C12orf42: variants seen among roughly 807,000 people sequenced by gnomAD.
C12orf42 encodes chromosome 12 open reading frame 42, also known as uncharacterized protein C12orf42.
In C12orf42, 25 loss-of-function variants were observed where a neutral mutation model predicts 21.6. That is an observed-to-expected ratio of 1.16 (90% CI 0.84 to 1.62). The LOEUF (loss-of-function observed/expected upper bound fraction) is 1.62, where lower values mean the gene tolerates loss of function less well. Ranked by LOEUF, C12orf42 falls within the 40% of genes most tolerant of loss-of-function variation. C12orf42 has a pLI of 0.00. For missense variants in C12orf42, 483 were observed against 459.3 expected (o/e 1.05, Z -0.47); for synonymous variants, 174 against 175.0 (o/e 0.99, Z 0.05).
At chr12:103,494,770 G>A (rs886778250) in intron 1 of C12orf42, among the ~76,000 whole-genome samples, 4 of 152,156 alleles carry the variant, frequency 2.6e-5, no homozygotes, top group Non-Finnish European at 5.9e-5. Flanking sequence ...CAGTTTTCAT[G>A]CCCTTAGTAT....
intron 3 of C12orf42, among the ~76,000 whole-genome samples, chr12:103,380,969 G>A (rs991743020): frequency 1.3e-5 from 2 of 152,114 alleles, no homozygotes; most frequent in African/African-American, 4.8e-5. Context: ...CTTGTAATCT[G>A]AATTGGTTCT....
chr12:103,353,283 C>T (rs1479375067), intron 4 of C12orf42, among the ~76,000 whole-genome samples: 3 of 135,730 alleles, frequency 2.2e-5, no homozygotes. Flanking sequence ...TGGAGTTCCA[C>T]TGGATTAAAA....
Position 103,368,933 on chromosome 12 carries a change from G to T in C12orf42, c.213C>A (p.Phe71Leu). 6.3e-7 allele frequency: 1 copy of T among 1,598,768 alleles called. No individual in the cohort carries two copies. Among genetic ancestry groups the T allele is most frequent in the Non-Finnish European group, 8.5e-7 (1 of 1,170,890 alleles). The change falls in exon 4 of 6, where the codon TTC becomes TTA. Residue 71 changes from phenylalanine to leucine, a missense_variant. By Grantham distance (22) the Phe-to-Leu change is conservative (BLOSUM62 0). Coordinates refer to ENST00000548883, the MANE Select transcript of C12orf42 (RefSeq NM_198521.5). Reference sequence around the variant, plus strand: ...GACTACGAAATTTAGGAGATTCAGAGAAATTCTTCATGTGATTAATGAATC... The same window carrying T: ...GACTACGAAATTTAGGAGATTCAGATAAATTCTTCATGTGATTAATGAATC... ...CSRFINHMKN[F>L]SESPKFRSLH...
At chr12:103,314,142 T>C (rs1459731432) in intron 4 of C12orf42, among the ~76,000 whole-genome samples, 1 of 151,622 alleles carries the variant, frequency 6.6e-6, no homozygotes, top group Non-Finnish European at 1.5e-5. Context: ...GACAGATGTG[T>C]TTTCAGAACT....
chr12:103,381,859 G>A (rs930371432), intron 3 of C12orf42, among the ~76,000 whole-genome samples: 5 of 152,038 alleles, frequency 3.3e-5, no homozygotes, highest in Non-Finnish European at 7.3e-5. Flanking sequence ...GGATCTTGCA[G>A]TGAGCCAAGA....
intron 2 of C12orf42, among the ~76,000 whole-genome samples, chr12:103,472,300 C>T (rs1031278814): frequency 2.6e-5 from 4 of 151,888 alleles, no homozygotes; most frequent in East Asian, 1.9e-4. Flanking sequence ...GTGATCCGCC[C>T]GCCTCGGCCT....
chr12:103,094,157 C>T, the C12orf42 span, among the ~76,000 whole-genome samples: 1 of 152,296 alleles, frequency 6.6e-6, no homozygotes, highest in South Asian at 2.1e-4. Context: ...GTTTTTATGA[C>T]CATCTTACTT....
At chr12:103,100,559 C>T in the C12orf42 span, among the ~76,000 whole-genome samples, 1 of 152,352 alleles carries the variant, frequency 6.6e-6, no homozygotes, top group Admixed American at 6.5e-5. Flanking sequence ...GGCCCAGAAC[C>T]ACCCGGACAA....
At chr12:103,157,503 T>C in the C12orf42 span, among the ~76,000 whole-genome samples, 2 of 152,364 alleles carry the variant, frequency 1.3e-5, no homozygotes, top group African/African-American at 4.8e-5. Flanking sequence ...TTGGCTTTCG[T>C]TGCAATTGCC....
intron 3 of C12orf42, among the ~76,000 whole-genome samples, chr12:103,400,570 T>A (rs1331990489): frequency 1.3e-5 from 2 of 152,252 alleles, no homozygotes; most frequent in African/African-American, 4.8e-5. Context: ...GCTATATTCC[T>A]CTGCTTTAGT....
intron 1 of C12orf42, among the ~76,000 whole-genome samples, chr12:103,478,672 G>A (rs574647633): frequency 4.7e-4 from 70 of 147,682 alleles, no homozygotes; most frequent in Non-Finnish European, 8.0e-4. Flanking sequence ...AGCAATACTC[G>A]CACCTTGGCC....
intron 4 of C12orf42, among the ~76,000 whole-genome samples, chr12:103,318,844 TG>T (rs72265779): frequency 0.36 from 54,057 of 152,006 alleles, 10,711 homozygotes; most frequent in African/African-American, 0.52. Flanking sequence ...ACAATTCAAC[TG>T]GCCATGCCCC....
At chr12:103,384,095 C>G (rs1370030958) in intron 3 of C12orf42, among the ~76,000 whole-genome samples, 1 of 152,136 alleles carries the variant, frequency 6.6e-6, no homozygotes, top group Non-Finnish European at 1.5e-5. Flanking sequence ...TGTTATTTGT[C>G]TTGATCTTCC....
chr12:103,166,034 C>T, the C12orf42 span, among the ~76,000 whole-genome samples: 8 of 137,158 alleles, frequency 5.8e-5, no homozygotes, highest in African/African-American at 7.7e-5. Context: ...AGCGAGACTC[C>T]GTCTCAAAAA....
intron 10 of C12orf42, among the ~76,000 whole-genome samples, chr12:103,259,726 C>A (rs2034797318): frequency 6.6e-6 from 1 of 152,152 alleles, no homozygotes; most frequent in East Asian, 1.9e-4. Flanking sequence ...CATTGTGAAG[C>A]ACTTTAAAAA....
At chr12:103,223,143 A>G in the C12orf42 span, among the ~76,000 whole-genome samples, 1 of 152,120 alleles carries the variant, frequency 6.6e-6, no homozygotes, top group African/African-American at 2.4e-5. Flanking sequence ...TCTTATATTA[A>G]TAAGAAAAAT....
At chr12:103,335,571 GAAGCT>G (rs1831585015) in intron 4 of C12orf42, among the ~76,000 whole-genome samples, 1 of 152,200 alleles carries the variant, frequency 6.6e-6, no homozygotes, top group South Asian at 2.1e-4. Flanking sequence ...ACTTAAGCTT[GAAGCT>G]AACTGCTTTT....
chr12:103,145,087 G>A, the C12orf42 span, among the ~76,000 whole-genome samples: 1 of 152,124 alleles, frequency 6.6e-6, no homozygotes. Flanking sequence ...ATCTAGAAAA[G>A]CAATCAGGAT....
the C12orf42 span, among the ~76,000 whole-genome samples, chr12:103,217,718 C>G: frequency 6.6e-6 from 1 of 152,092 alleles, no homozygotes; most frequent in Non-Finnish European, 1.5e-5. Context: ...GCTTAGTGTG[C>G]AGTGAAATGT....
Sources: allele counts gnomAD v4.1 joint callset (sites outside exome capture counted in the v4.1 genomes callset), GRCh38; gene constraint gnomAD v4.1.1; transcripts MANE v1.5; gene names NCBI Gene and HGNC (gene_info 2026-07-23, HGNC 2026-07-21).